FYB2: variants seen among roughly 807,000 people sequenced by gnomAD.
FYB2 encodes FYN-binding protein 2.
FYB2 carries 103 observed loss-of-function variants against 94.1 expected under a neutral mutation model. That is an observed-to-expected ratio of 1.09 (90% confidence interval 0.93 to 1.29). The LOEUF (loss-of-function observed/expected upper bound fraction) is 1.29, where lower values mean the gene tolerates loss of function less well. Ranked by LOEUF, FYB2 falls within the 50% of genes most tolerant of loss-of-function variation. The pLI is 0.00. For missense variants in FYB2, 896 were observed against 841.5 expected (o/e 1.06, Z -0.80); for synonymous variants, 293 against 287.9 (o/e 1.02, Z -0.18).
chr1:56,749,078 G>T (rs1188213454), intron 9 of FYB2, among the ~76,000 whole-genome samples: 8 of 149,040 alleles, frequency 5.4e-5, no homozygotes, highest in Non-Finnish European at 8.9e-5. Context: ...GTGGGTGATT[G>T]GTTTTTCCCC....
intron 3 of FYB2, 57 bp downstream of exon 3, chr1:56,788,916 G>A: frequency 6.3e-7 from 1 of 1,593,298 alleles, no homozygotes; most frequent in South Asian, 1.1e-5. Flanking sequence ...GGGAGAGGAT[G>A]TGGAGACGGA....
At chr1:56,743,139 T>C (rs74740242) in intron 11 of FYB2, among the ~76,000 whole-genome samples, 6,069 of 152,104 alleles carry the variant, frequency 0.04, 403 homozygotes, top group African/African-American at 0.14. Flanking sequence ...TAATCACTGT[T>C]GTACTATAAA....
intron 4 of FYB2, among the ~76,000 whole-genome samples, chr1:56,781,299 T>G (rs973103508): frequency 6.6e-6 from 1 of 152,170 alleles, no homozygotes; most frequent in African/African-American, 2.4e-5. Flanking sequence ...TCAACAATGA[T>G]GGGAACAGCA....
chr1:56,725,968 A>G (rs1644575761), intron 16 of FYB2, among the ~76,000 whole-genome samples: 1 of 152,086 alleles, frequency 6.6e-6, no homozygotes, highest in Admixed American at 6.6e-5. Context: ...CAGTAAAAAC[A>G]TCCTCTCACA....
intron 3 of FYB2, 159 bp downstream of exon 3, chr1:56,788,814 C>T (rs1258075849): frequency 1.2e-5 from 12 of 1,031,310 alleles, no homozygotes; most frequent in African/African-American, 1.6e-5. Context: ...ACAGAGACAT[C>T]GTTTCATGGG....
At chr1:56,757,687 CTT>C (rs1645372235) in intron 6 of FYB2, among the ~76,000 whole-genome samples, 2 of 71,940 alleles carry the variant, frequency 2.8e-5, no homozygotes, top group Non-Finnish European at 5.1e-5. Context: ...TCCTTCCTTC[CTT>C]CTTTCTTTCT....
At chr1:56,741,602 C>T (rs954927906) in intron 12 of FYB2, among the ~76,000 whole-genome samples, 2 of 151,972 alleles carry the variant, frequency 1.3e-5, no homozygotes, top group African/African-American at 4.8e-5. Context: ...CCTTAAACTC[C>T]TTGCTTTTGA....
At chr1:56,734,081 A>G (rs1644773998) in intron 15 of FYB2, among the ~76,000 whole-genome samples, 1 of 152,130 alleles carries the variant, frequency 6.6e-6, no homozygotes, top group Non-Finnish European at 1.5e-5. Flanking sequence ...GACTTGCTTT[A>G]TGAATCTGGG....
intron 4 of FYB2, among the ~76,000 whole-genome samples, chr1:56,774,522 CAT>C (rs140311036): frequency 0.016 from 2,487 of 152,242 alleles, 63 homozygotes; most frequent in African/African-American, 0.057. Flanking sequence ...AGAACACACA[CAT>C]ATGTGTGCAT....
intron 1 of FYB2, among the ~76,000 whole-genome samples, 174 bp downstream of exon 1, chr1:56,819,108 G>A (rs1039494591): frequency 5.4e-5 from 3 of 55,222 alleles, no homozygotes; most frequent in South Asian, 6.6e-4. Flanking sequence ...CCTCCCACCC[G>A]CCCTGAGCAA....
chr1:56,785,056 G>C (rs1646101688), intron 4 of FYB2, among the ~76,000 whole-genome samples: 1 of 152,282 alleles, frequency 6.6e-6, no homozygotes, highest in South Asian at 2.1e-4. Flanking sequence ...TTCAGACGGA[G>C]GTTAGCTTCC....
intron 16 of FYB2, among the ~76,000 whole-genome samples, chr1:56,725,749 G>A (rs1644571642): frequency 6.6e-6 from 1 of 152,066 alleles, no homozygotes; most frequent in Non-Finnish European, 1.5e-5. Context: ...CTGAATCTCA[G>A]ACACTAATGT....
intron 19 of FYB2, 40 bp from the exon 20 acceptor site, chr1:56,719,732 G>A (rs1471712594): frequency 1.3e-6 from 2 of 1,501,238 alleles, no homozygotes; most frequent in East Asian, 2.5e-5. Context: ...TTAAAATATA[G>A]GACAATGAAA....
At position 56,719,166 on chromosome 1, in the gene FYB2, T is replaced by C. The variant is rs906770518; in HGVS notation, c.*505A>G. The C allele has an allele frequency of 6.6e-6, 1 of 152,470 alleles. No individual in the cohort carries two copies. The highest frequency in any genetic ancestry group is 1.9e-4 in the East Asian group (1 of 5,190). 9.4% of individuals were successfully genotyped at this position (152,470 alleles called of 1,614,324 possible). A position where few individuals can be genotyped will look rare whatever the true frequency, so the allele number is the denominator to read the frequency against. Reference sequence around the variant, plus strand: ...TGATAAAGTAAAAGGACATTTATACTTTTTTAAAGACTGAGCCATAATTAA... The same window carrying C: ...TGATAAAGTAAAAGGACATTTATACCTTTTTAAAGACTGAGCCATAATTAA... On this transcript the variant is annotated 3_prime_UTR_variant, in exon 20 of 20. Coordinates refer to ENST00000343433, the MANE Select transcript of FYB2 (RefSeq NM_001004303.5).
chr1:56,797,980 G>A (rs1015337702), intron 1 of FYB2, among the ~76,000 whole-genome samples: 5 of 152,070 alleles, frequency 3.3e-5, no homozygotes, highest in Admixed American at 1.3e-4. Context: ...ATAAAAATGC[G>A]GTGAAGGAAT....
At chr1:56,786,748 G>A (rs1036368478) in intron 4 of FYB2, among the ~76,000 whole-genome samples, 14 of 152,130 alleles carry the variant, frequency 9.2e-5, no homozygotes, top group Admixed American at 6.5e-5. Flanking sequence ...GATATTATTT[G>A]GTTAAGTGAG....
chr1:56,787,171 T>G lies in FYB2; in HGVS notation c.953+4A>C. ...TCCTACACAACTAAGGAGCATGTAC[T>G]TACCTCTCTGGAGACAGGGAGCCCT... On this transcript the variant is annotated splice_donor_region_variant and intron_variant, in intron 4 of 19. Transcript: ENST00000343433. 1 of 1,613,880 alleles carries G rather than the reference T, an allele frequency of 6.2e-7. No homozygotes were observed. Among genetic ancestry groups the G allele is most frequent in the Non-Finnish European group, 8.5e-7 (1 of 1,179,832 alleles).
chr1:56,785,332 G>A (rs886643231), intron 4 of FYB2, among the ~76,000 whole-genome samples: 28 of 152,204 alleles, frequency 1.8e-4, no homozygotes, highest in African/African-American at 6.5e-4. Flanking sequence ...AGAACAAAGA[G>A]CAAGTGAGAG....
At chr1:56,801,200 C>T (rs573989202) in intron 1 of FYB2, among the ~76,000 whole-genome samples, 1 of 152,266 alleles carries the variant, frequency 6.6e-6, no homozygotes, top group East Asian at 1.9e-4. Context: ...AGAAATGGCT[C>T]TTCTTGTGCT....
Sources: allele counts gnomAD v4.1 joint callset (sites outside exome capture counted in the v4.1 genomes callset), GRCh38; gene constraint gnomAD v4.1.1; transcripts MANE v1.5; gene names NCBI Gene and HGNC (gene_info 2026-07-23, HGNC 2026-07-21).